Variants in ROBO2 observed in about 807,000 individuals in gnomAD.
ROBO2 encodes the protein roundabout homolog 2.
Under a neutral mutation model 160.8 loss-of-function variants are expected in ROBO2, and 53 were observed. The ratio of observed to expected loss-of-function variants is 0.33; its 90% CI spans 0.26 to 0.41. The LOEUF (loss-of-function observed/expected upper bound fraction) is 0.41. Ranked by LOEUF, ROBO2 falls within the 10% of genes least tolerant of loss-of-function variation. The pLI is 1.00. For missense variants in ROBO2, 1,577 were observed against 1,722.4 expected (o/e 0.92, Z 1.49); for synonymous variants, 664 against 611.7 (o/e 1.09, Z -1.26).
chr3:76,126,641 G>T (rs1460970156), intron 2 of ROBO2, among the ~76,000 whole-genome samples: 2 of 151,952 alleles, frequency 1.3e-5, no homozygotes, highest in African/African-American at 4.8e-5. Context: ...ATTAAACCCA[G>T]TTCAAATGAG....
intron 2 of ROBO2, among the ~76,000 whole-genome samples, chr3:76,920,322 C>G (rs1428207831): frequency 6.6e-6 from 1 of 152,046 alleles, no homozygotes; most frequent in African/African-American, 2.4e-5. Context: ...CTAAAGCAGA[C>G]AGTCTGGGAA....
chr3:77,328,025 T>C (rs2065599426), intron 2 of ROBO2, among the ~76,000 whole-genome samples: 1 of 138,972 alleles, frequency 7.2e-6, no homozygotes, highest in Non-Finnish European at 1.5e-5. Context: ...ATCGCACCAC[T>C]GCCTTCCAGC....
At chr3:76,576,391 G>A (rs907418955) in intron 2 of ROBO2, among the ~76,000 whole-genome samples, 3 of 151,992 alleles carry the variant, frequency 2.0e-5, no homozygotes, top group Non-Finnish European at 1.5e-5. Context: ...CTCACTACTG[G>A]CAATTCTTGA....
At chr3:77,248,872 TGAA>T (rs1270260577) in intron 2 of ROBO2, among the ~76,000 whole-genome samples, 1 of 151,624 alleles carries the variant, frequency 6.6e-6, no homozygotes, top group African/African-American at 2.4e-5. Flanking sequence ...CTCATAAATG[TGAA>T]AGTCATTACT....
chr3:76,053,805 T>A (rs1454398482), intron 2 of ROBO2, among the ~76,000 whole-genome samples: 1 of 152,100 alleles, frequency 6.6e-6, no homozygotes, highest in Non-Finnish European at 1.5e-5. Flanking sequence ...TTCCTGATGA[T>A]ATATCTTCTT....
At position 77,644,923 on chromosome 3, in the gene ROBO2, T is replaced by TAAAA; in HGVS notation, c.4135+20_4135+23dup. ...GAATTATGTAAGTGCTTAGGTCATT[T>TAAAA]AAAAGGCTATCGTGATTCAGAAAGA... On this transcript the variant is annotated intron_variant, in intron 25 of 25. Transcript: ENST00000461745. The TAAAA allele has an allele frequency of 6.2e-7, 1 of 1,608,508 alleles. No homozygotes were observed. The highest frequency in any genetic ancestry group is 8.5e-7 in the Non-Finnish European group (1 of 1,174,896).
At chr3:77,188,146 A>G (rs1022509772) in intron 2 of ROBO2, among the ~76,000 whole-genome samples, 5 of 151,874 alleles carry the variant, frequency 3.3e-5, no homozygotes, top group African/African-American at 7.2e-5. Flanking sequence ...CTGAATTATC[A>G]GTGTTACTAA....
chr3:76,632,769 C>T (rs2090102892), intron 2 of ROBO2, among the ~76,000 whole-genome samples: 1 of 152,130 alleles, frequency 6.6e-6, no homozygotes, highest in Admixed American at 6.5e-5. Context: ...TCCAATAAGT[C>T]CTCTACATTG....
chr3:76,962,638 CAGA>C (rs1422419957), intron 2 of ROBO2, among the ~76,000 whole-genome samples: 19 of 50,282 alleles, frequency 3.8e-4, no homozygotes, highest in African/African-American at 1.5e-3. Context: ...AACTCGATCT[CAGA>C]AAAAAAAAAA....
chr3:77,391,022 A>T (rs1300533479), intron 2 of ROBO2, among the ~76,000 whole-genome samples: 1 of 152,132 alleles, frequency 6.6e-6, no homozygotes, highest in East Asian at 1.9e-4. Context: ...TGAGTGCTGA[A>T]TGCCACAGTT....
rs190574430 is a variant in ROBO2, at chr3:76,283,694, A to G, written c.109+346092A>G. ...GGATATGCAGTTCACTTTTTCGTCA[A>G]GAAATGCTAAAATGAAGAATGCTGA... On this transcript the variant is annotated intron_variant, in intron 2 of 26. Coordinates refer to the ROBO2 transcript ENST00000487694. 5.7e-3 allele frequency among the ~76,000 whole-genome samples: 873 copies of G among 152,150 alleles called. 6 individuals are homozygous for G. The highest frequency in any genetic ancestry group is 0.02 in the African/African-American group (824 of 41,544).
At chr3:76,860,489 T>G (rs1394652839) in intron 2 of ROBO2, among the ~76,000 whole-genome samples, 1 of 152,192 alleles carries the variant, frequency 6.6e-6, no homozygotes, top group Non-Finnish European at 1.5e-5. Context: ...GGGTCTTTTT[T>G]GTTTTTTGTT....
chr3:76,265,143 A>G (rs1166613059), intron 2 of ROBO2, among the ~76,000 whole-genome samples: 1 of 152,140 alleles, frequency 6.6e-6, no homozygotes, highest in African/African-American at 2.4e-5. Flanking sequence ...GCCTGGAGGC[A>G]CGTGAGTCCC....
chr3:77,643,458 A>G lies in ROBO2; in HGVS notation c.3935-1246A>G, dbSNP rs183100866. The stretch of plus-strand genomic sequence containing the variant: ...ACTTTCTCCAACTGTTAATCAGTTG[A>G]TTGATTTAGTTGGTTGTTAATCTGT... On this transcript the variant is annotated intron_variant, in intron 24 of 25. Coordinates refer to ENST00000461745, the Ensembl canonical transcript of ROBO2. Among the ~76,000 whole-genome samples the G allele has an allele frequency of 3.3e-5, 5 of 152,288 alleles. No homozygotes were observed. In the East Asian group the frequency reaches 7.7e-4, roughly 24 times the overall value.
At chr3:76,366,472 G>A (rs1430375958) in intron 2 of ROBO2, among the ~76,000 whole-genome samples, 2 of 151,974 alleles carry the variant, frequency 1.3e-5, no homozygotes, top group Non-Finnish European at 1.5e-5. Flanking sequence ...ATGAGCCTTT[G>A]CTTTTGGGCT....
chr3:76,908,527 T>C (rs1322032264), intron 2 of ROBO2, among the ~76,000 whole-genome samples: 2 of 152,202 alleles, frequency 1.3e-5, no homozygotes, highest in Admixed American at 1.3e-4. Context: ...CCTACCAAGT[T>C]TGTCAACACA....
At chr3:77,640,281 G>T (rs890868659) in intron 24 of ROBO2, among the ~76,000 whole-genome samples, 5 of 151,688 alleles carry the variant, frequency 3.3e-5, no homozygotes, top group African/African-American at 1.2e-4. Context: ...TCGGGTAATT[G>T]TTTTTGTATT....
intron 21 of ROBO2, among the ~76,000 whole-genome samples, chr3:77,614,716 C>T (rs2153700831): frequency 6.6e-6 from 1 of 150,720 alleles, no homozygotes; most frequent in African/African-American, 2.4e-5. Flanking sequence ...ATATTATTCC[C>T]CCAAAAAACC....
chr3:77,506,200 T>C (rs1234825508), intron 5 of ROBO2, among the ~76,000 whole-genome samples: 6 of 152,182 alleles, frequency 3.9e-5, no homozygotes, highest in African/African-American at 2.4e-5. Flanking sequence ...CATTTTGTTT[T>C]GTATATTTCT....
Sources: gnomAD v4.1 joint callset for allele counts (sites outside exome capture counted in the v4.1 genomes callset) on GRCh38, gnomAD v4.1.1 for gene constraint, MANE v1.5 for transcripts, NCBI Gene and HGNC (gene_info 2026-07-23, HGNC 2026-07-21) for gene names.